Variants in CD163 observed in about 807,000 individuals in gnomAD.
CD163 encodes scavenger receptor cysteine-rich type 1 protein M130.
Under a neutral mutation model 129.2 loss-of-function variants are expected in CD163, and 64 were observed. The observed-to-expected ratio is 0.50, with a 90% CI of 0.41 to 0.61. The LOEUF is 0.61. Among genes scored for constraint, CD163 ranks in the 20% least tolerant of loss-of-function variants. The pLI is 0.00. For synonymous variants in CD163, 446 were observed against 478.5 expected (o/e 0.93, Z 0.89); for missense variants, 1,061 against 1,377.9 (o/e 0.77, Z 3.64).
chr12:7,503,666 G>A lies in CD163; in HGVS notation c.25C>T (p.Leu9Phe). Reference sequence around the variant, plus strand: ...TTACCAGCAGATCCAGAGTCTTCAAGTAGCACCATTCTGAGTTTGCTCATT... The same window carrying A: ...TTACCAGCAGATCCAGAGTCTTCAAATAGCACCATTCTGAGTTTGCTCATT... The part of the protein sequence containing the change: MSKLRMVL[L>F]EDSGSADFRR... The change falls in exon 1 of 17, where the codon CTT (leucine) becomes TTT (phenylalanine). Residue 9 changes from leucine to phenylalanine, a missense_variant. By Grantham distance (22) the Leu-to-Phe change is conservative (BLOSUM62 0). Transcript: ENST00000432237. The A allele has an allele frequency of 6.2e-7, 1 of 1,603,982 alleles. No homozygotes were observed. Among genetic ancestry groups the A allele is most frequent in the Non-Finnish European group, 8.5e-7 (1 of 1,173,088 alleles).
At chr12:7,484,335 C>G (rs1949217658) in intron 11 of CD163, among the ~76,000 whole-genome samples, 1 of 152,062 alleles carries the variant, frequency 6.6e-6, no homozygotes, top group African/African-American at 2.4e-5. Context: ...TGTCACAAAT[C>G]TCACAGTTTA....
In CD163 at chr12:7,483,415, C is replaced by T; in HGVS notation, c.3040G>A (p.Gly1014Ser). 4 of 1,614,072 alleles carry T rather than the reference C, an allele frequency of 2.5e-6. No individual in the cohort carries two copies. The highest frequency in any genetic ancestry group is 3.4e-6 in the Non-Finnish European group (4 of 1,179,990). The change falls in exon 12 of 17, where the codon GGC becomes AGC. Residue 1014 changes from glycine (G) to serine (S), a missense_variant. Coordinates refer to ENST00000432237, the MANE Select transcript of CD163 (RefSeq NM_203416.4). ...SLWDCPARRW[G>S]HSECGHKEDA... Reference sequence around the variant, plus strand: ...TCCTTGTGCCCACACTCACTATGGCCCCAGCGTCTGGCAGGACAATCCCAC... The same window carrying T: ...TCCTTGTGCCCACACTCACTATGGCTCCAGCGTCTGGCAGGACAATCCCAC...
intron 16 of CD163, among the ~76,000 whole-genome samples, chr12:7,475,328 C>T (rs897401090): frequency 1.6e-4 from 25 of 151,956 alleles, no homozygotes; most frequent in African/African-American, 2.7e-4. Flanking sequence ...AACATTGATG[C>T]GAAAATCCTC....
rs1949382467 is a variant in CD163, at chr12:7,495,138, A to G, written c.1363T>C (p.Trp455Arg). 1 of 1,614,050 alleles carries G rather than the reference A, an allele frequency of 6.2e-7. No homozygotes were observed. Among genetic ancestry groups the G allele is most frequent in the African/African-American group, 1.3e-5 (1 of 74,938 alleles). The stretch of plus-strand genomic sequence containing the variant: ...TCACAGGTAAGTCCACCCCATTGCC[A>G]GTTCTTGCAGTCCCAAAGAGAAGTT... The part of the protein sequence containing the change: ...NETSLWDCKN[W>R]QWGGLTCDHY... Residue 455 changes from tryptophan (W) to arginine (R), a missense_variant, in exon 6 of 17, where the codon TGG becomes CGG. Physicochemically the swap from Trp to Arg is moderately radical, Grantham distance 101 (BLOSUM62 -3). Transcript: ENST00000432237.
At chr12:7,489,736 T>A (rs1169221568) in intron 6 of CD163, among the ~76,000 whole-genome samples, 2 of 152,116 alleles carry the variant, frequency 1.3e-5, no homozygotes, top group South Asian at 2.1e-4. Context: ...ATTTTTCTTC[T>A]GAGCAAACTG....
rs1949401983 is a variant in CD163 at position 7,496,373 on chromosome 12, T to C, written c.1099+440A>G. The stretch of plus-strand genomic sequence containing the variant: ...GGAGAGCATTAGGACAAATACCTAA[T>C]GCATGGGGGGTTAAAACCTAGATGA... On this transcript the variant is annotated intron_variant, in intron 5 of 16. Coordinates refer to ENST00000432237, the MANE Select transcript of CD163 (RefSeq NM_203416.4). The surrounding 1 kb of genome is among the most constrained non-coding windows in gnomAD (Gnocchi z 4.8). Among the ~76,000 whole-genome samples the C allele has an allele frequency of 6.6e-6, 1 of 151,630 alleles. No homozygotes were observed. The highest frequency in any genetic ancestry group is 2.1e-4 in the South Asian group (1 of 4,810).
chr12:7,489,472 T>C (rs781577914), intron 6 of CD163, among the ~76,000 whole-genome samples: 1 of 152,244 alleles, frequency 6.6e-6, no homozygotes, highest in East Asian at 1.9e-4. Flanking sequence ...TAATTTCTTA[T>C]AATTTCTGTA....
rs751614813 is a variant in CD163, at chr12:7,496,785, T to C, written c.1099+28A>G. 7 of 1,600,466 alleles carry C rather than the reference T, an allele frequency of 4.4e-6. No individual in the cohort carries two copies. The highest frequency in any genetic ancestry group is 5.1e-6 in the Non-Finnish European group (6 of 1,168,112). ...TTTCTGCTTTTCTTTTTGTTTAGTG[T>C]TTTGGTTTTGGTTTGGTTTTAACTT... On this transcript the variant is annotated intron_variant, in intron 5 of 16. Coordinates refer to ENST00000432237, the MANE Select transcript of CD163 (RefSeq NM_203416.4). The surrounding 1 kb of genome is among the most constrained non-coding windows in gnomAD (Gnocchi z 4.8).
intron 6 of CD163, among the ~76,000 whole-genome samples, chr12:7,489,606 A>C (rs768320892): frequency 6.6e-5 from 10 of 152,192 alleles, no homozygotes; most frequent in African/African-American, 2.4e-4. Context: ...AGGCCGCCAC[A>C]GAATTCAGTC....
intron 14 of CD163, among the ~76,000 whole-genome samples, chr12:7,481,669 C>T (rs781139004): frequency 5.3e-5 from 8 of 152,238 alleles, no homozygotes; most frequent in Admixed American, 2.6e-4. Context: ...TCCTAGATCC[C>T]GTTGCCAAAA....
At chr12:7,494,986 T>A in intron 6 of CD163, 95 bp downstream of exon 6, 2 of 901,108 alleles carry the variant, frequency 2.2e-6, no homozygotes, top group South Asian at 3.1e-5. Flanking sequence ...TTCTTGAGAG[T>A]GATCTAGTCA....
chr12:7,487,104 G>A lies in CD163; in HGVS notation c.2051-118C>T. The A allele has an allele frequency of 1.2e-6, 1 of 857,846 alleles. No individual in the cohort carries two copies. Among genetic ancestry groups the A allele is most frequent in the Admixed American group, 2.6e-5 (1 of 38,084 alleles). 53.1% of individuals were successfully genotyped at this position (857,846 alleles called of 1,614,324 possible). The stretch of plus-strand genomic sequence containing the variant: ...TTAGAGAGAGAGGGGAAGGTGGATG[G>A]TCAACAAGTTTGAAATAAATCAGGT... On this transcript the variant is annotated intron_variant, in intron 8 of 16. Transcript: ENST00000432237. This position sits in a 1 kb window ranked among gnomAD's most constrained non-coding sequence, Gnocchi z 5.1.
chr12:7,483,564 T>A lies in CD163; in HGVS notation c.2891A>T (p.Gln964Leu), dbSNP rs141756075. Residue 964 changes from glutamine to leucine, a missense_variant, in exon 12 of 17, where the codon CAG becomes CTG. Transcript: ENST00000432237. ...CDDSWDLDDA[Q>L]VVCQQLGCGP... is the part of the protein sequence containing the mutation. ...ACAGCCAAGTTGTTGACACACCACCTGAGCATCGTCCAAGTCCCAAGAGTC... is the reference window on the plus strand; with the variant it reads ...ACAGCCAAGTTGTTGACACACCACCAGAGCATCGTCCAAGTCCCAAGAGTC... 2 of 1,613,838 alleles carry A rather than the reference T, an allele frequency of 1.2e-6. No individual in the cohort carries two copies. The highest frequency in any genetic ancestry group is 2.7e-5 in the African/African-American group (2 of 74,948).
At position 7,485,005 on chromosome 12, in the gene CD163, G is replaced by A; in HGVS notation, c.2779+91C>T. 2.6e-6 allele frequency: 3 copies of A among 1,168,236 alleles called. No individual in the cohort carries two copies. The highest frequency in any genetic ancestry group is 2.4e-6 in the Non-Finnish European group (2 of 827,078). 72.4% of individuals were successfully genotyped at this position (1,168,236 alleles called of 1,614,324 possible). A position where few individuals can be genotyped will look rare whatever the true frequency, so the allele number is the denominator to read the frequency against. On this transcript the variant is annotated intron_variant, in intron 11 of 16. Coordinates refer to ENST00000432237, the MANE Select transcript of CD163 (RefSeq NM_203416.4). The surrounding 1 kb of genome is among the most constrained non-coding windows in gnomAD (Gnocchi z 4.5). ...TCAATCTAACAATTTAAGCCAGTGT[G>A]AGAATAGGAAAATAAAATCCAGTGT...
At chr12:7,484,107 G>A (rs1017900653) in intron 11 of CD163, among the ~76,000 whole-genome samples, 69 of 151,662 alleles carry the variant, frequency 4.5e-4, no homozygotes, top group Non-Finnish European at 2.9e-4. Context: ...CCCAAAGTCC[G>A]ATTACAGGCG....
At chr12:7,503,607 A>C (rs371293734) in intron 1 of CD163, 38 bp downstream of exon 1, 1 of 1,368,726 alleles carries the variant, frequency 7.3e-7, no homozygotes, top group Non-Finnish European at 1.0e-6. Context: ...TACATACCCC[A>C]TTAAAGGGGA....
At chr12:7,493,403 T>C (rs1949351564) in intron 6 of CD163, among the ~76,000 whole-genome samples, 1 of 152,190 alleles carries the variant, frequency 6.6e-6, no homozygotes, top group Non-Finnish European at 1.5e-5. Context: ...TTATCCTTCC[T>C]GTCCGGTAGG....
intron 1 of CD163, chr12:7,502,808 G>A: frequency 1.8e-6 from 1 of 563,044 alleles, no homozygotes. Flanking sequence ...GTTGGTGGTG[G>A]AAACGAGAAT....
chr12:7,491,360 G>A (rs1028850849), intron 6 of CD163, among the ~76,000 whole-genome samples: 8 of 151,940 alleles, frequency 5.3e-5, no homozygotes, highest in Admixed American at 2.0e-4. Context: ...CCTATGGGTC[G>A]CTTTGCTTAT....
Sources: allele counts gnomAD v4.1 joint callset (sites outside exome capture counted in the v4.1 genomes callset), GRCh38; gene constraint gnomAD v4.1.1; non-coding constraint Gnocchi (gnomAD v3.1); transcripts MANE v1.5; gene names NCBI Gene and HGNC (gene_info 2026-07-23, HGNC 2026-07-21).